VAT1L: variants seen among roughly 807,000 people sequenced by gnomAD.
The protein encoded by VAT1L is putative NADPH-dependent quinone oxidoreductase VAT1L.
Under a neutral mutation model 44.1 loss-of-function variants are expected in VAT1L, and 34 were observed. The ratio of observed to expected loss-of-function variants is 0.77; its 90% CI spans 0.59 to 1.03. VAT1L has a LOEUF of 1.03. VAT1L is among the 50% of genes least tolerant of loss of function. The pLI is 0.00. For synonymous variants in VAT1L, 253 were observed against 202.2 expected, an observed-to-expected ratio of 1.25 and a Z score of -2.13; for missense variants, 615 against 538.8, an observed-to-expected ratio of 1.14 and a Z score of -1.40.
chr16:77,921,540 G>A (rs1243722689), intron 7 of VAT1L, among the ~76,000 whole-genome samples: 2 of 152,118 alleles, frequency 1.3e-5, no homozygotes, highest in Non-Finnish European at 2.9e-5. Context: ...CATCGGCTGT[G>A]GAAGTCAGAT....
At position 77,823,977 on chromosome 16, in the gene VAT1L, C is replaced by T. The variant is rs141620506; in HGVS notation, c.364-1269C>T. ...GGCGGAGGTTGCATTGAGCTGAGAT[C>T]GTGCCATTGCACTCCAGCCTGGGAA... On this transcript the variant is annotated intron_variant, in intron 2 of 8. Coordinates refer to ENST00000302536, the MANE Select transcript of VAT1L (RefSeq NM_020927.3). Among the ~76,000 whole-genome samples, 3 of 152,126 alleles carry T rather than the reference C, an allele frequency of 2.0e-5. 1 individual carries two copies. The highest frequency in any genetic ancestry group is 4.8e-5 in the African/African-American group (2 of 41,494).
intron 7 of VAT1L, among the ~76,000 whole-genome samples, chr16:77,916,604 C>T (rs1173394236): frequency 1.3e-5 from 2 of 152,050 alleles, no homozygotes; most frequent in African/African-American, 4.8e-5. Flanking sequence ...GTGCTTTGCT[C>T]CCATTAAGTT....
intron 7 of VAT1L, among the ~76,000 whole-genome samples, chr16:77,954,792 C>G (rs1218847690): frequency 1.3e-5 from 2 of 152,180 alleles, no homozygotes; most frequent in African/African-American, 4.8e-5. Flanking sequence ...TTAAAAGGTT[C>G]TAAAACGTCA....
At chr16:77,871,978 A>G (rs2017038099) in intron 4 of VAT1L, among the ~76,000 whole-genome samples, 1 of 152,188 alleles carries the variant, frequency 6.6e-6, no homozygotes, top group South Asian at 2.1e-4. Flanking sequence ...ATGGTAATCA[A>G]TCAAAGCTAC....
chr16:77,922,961 T>C (rs926585446), intron 7 of VAT1L, among the ~76,000 whole-genome samples: 3 of 152,188 alleles, frequency 2.0e-5, no homozygotes, highest in African/African-American at 7.2e-5. Flanking sequence ...TCAATCTTCG[T>C]TGACGTCTAC....
chr16:77,857,202 G>A (rs1290933525), intron 3 of VAT1L, among the ~76,000 whole-genome samples: 1 of 152,180 alleles, frequency 6.6e-6, no homozygotes, highest in Non-Finnish European at 1.5e-5. Flanking sequence ...AGAATGGATT[G>A]TCTTGTTCAT....
intron 7 of VAT1L, among the ~76,000 whole-genome samples, chr16:77,923,742 TCA>T (rs961204065): frequency 7.2e-5 from 11 of 152,268 alleles, no homozygotes; most frequent in African/African-American, 2.4e-4. Context: ...CAGGGTGGCT[TCA>T]CACAGTTTTT....
intron 7 of VAT1L, among the ~76,000 whole-genome samples, chr16:77,942,561 C>A (rs529494620): frequency 6.6e-6 from 1 of 152,314 alleles, no homozygotes; most frequent in Admixed American, 6.5e-5. Flanking sequence ...AATTGCCACA[C>A]TGCCTTTGGA....
intron 3 of VAT1L, among the ~76,000 whole-genome samples, chr16:77,830,188 C>T (rs74029428): frequency 1.2e-3 from 176 of 152,284 alleles, no homozygotes; most frequent in African/African-American, 4.1e-3. Context: ...TTATGGTGTA[C>T]TCCTAATGTA....
chr16:77,963,206 C>G (rs2018182363), intron 7 of VAT1L, among the ~76,000 whole-genome samples: 2 of 152,142 alleles, frequency 1.3e-5, no homozygotes, highest in Non-Finnish European at 2.9e-5. Context: ...ACCTGTGAAT[C>G]TGGTACCTCA....
At chr16:77,824,365 C>A (rs1248893921) in intron 2 of VAT1L, among the ~76,000 whole-genome samples, 2 of 152,132 alleles carry the variant, frequency 1.3e-5, no homozygotes, top group African/African-American at 2.4e-5. Context: ...ATAGAGCTGT[C>A]AATGGTTCAT....
rs188424013 is a variant in VAT1L at position 77,967,698 on chromosome 16, C to G, written c.1078-4152C>G. ...CTCCTAGCATCACAATAAGCTTTAA[C>G]TGGTGAGAAAACAGCTTTTCAGTTT... On this transcript the variant is annotated intron_variant, in intron 7 of 8. Transcript: ENST00000302536. 2.6e-5 allele frequency among the ~76,000 whole-genome samples: 4 copies of G among 152,336 alleles called. No individual in the cohort carries two copies. In the East Asian group the frequency reaches 7.7e-4, roughly 29 times the overall value.
chr16:77,863,637 G>A (rs8052740), intron 4 of VAT1L, among the ~76,000 whole-genome samples: 13,731 of 152,192 alleles, frequency 0.09, 1,165 homozygotes, highest in African/African-American at 0.22. Context: ...AAGGAAAGTC[G>A]TGTGCATGCA....
chr16:77,888,398 G>C (rs913805664), intron 7 of VAT1L, among the ~76,000 whole-genome samples: 3 of 152,136 alleles, frequency 2.0e-5, no homozygotes, highest in Non-Finnish European at 4.4e-5. Flanking sequence ...TGTGTGAATG[G>C]AACAATCCAC....
intron 6 of VAT1L, among the ~76,000 whole-genome samples, chr16:77,883,160 A>G (rs573912102): frequency 1.3e-5 from 2 of 152,318 alleles, no homozygotes; most frequent in Middle Eastern, 3.4e-3. Context: ...AATGAGCTCA[A>G]TGATAACATA....
intron 8 of VAT1L, among the ~76,000 whole-genome samples, chr16:77,973,531 C>A (rs1444603409): frequency 6.6e-6 from 1 of 152,162 alleles, no homozygotes; most frequent in Non-Finnish European, 1.5e-5. Flanking sequence ...GATACGCCCG[C>A]CTCAGCCTCC....
intron 7 of VAT1L, among the ~76,000 whole-genome samples, chr16:77,909,464 C>T (rs1372961021): frequency 6.6e-6 from 1 of 151,926 alleles, no homozygotes; most frequent in African/African-American, 2.4e-5. Context: ...TGGTGAAACC[C>T]TGTCTCTACT....
chr16:77,880,665 G>A (rs746683441), intron 6 of VAT1L, among the ~76,000 whole-genome samples: 33 of 124,824 alleles, frequency 2.6e-4, no homozygotes, highest in Middle Eastern at 7.0e-3. Flanking sequence ...TTTTTTGCCC[G>A]GGTATTGTAT....
chr16:77,856,176 A>G (rs1451905650), intron 3 of VAT1L, among the ~76,000 whole-genome samples: 1 of 152,196 alleles, frequency 6.6e-6, no homozygotes, highest in East Asian at 1.9e-4. Context: ...CAAAGATCCT[A>G]CAGTGAAAGA....
Sources: allele counts gnomAD v4.1 joint callset (sites outside exome capture counted in the v4.1 genomes callset), GRCh38; gene constraint gnomAD v4.1.1; transcripts MANE v1.5; gene names NCBI Gene and HGNC (gene_info 2026-07-23, HGNC 2026-07-21).